CD1B: variants seen among roughly 807,000 people sequenced by gnomAD.
CD1B encodes T-cell surface glycoprotein CD1b.
A neutral mutation model predicts 39.8 loss-of-function variants in CD1B; 43 were observed. The observed-to-expected ratio is 1.08, with a 90% confidence interval of 0.85 to 1.39. The LOEUF (loss-of-function observed/expected upper bound fraction) is 1.39. Ranked by LOEUF, CD1B falls within the 40% of genes most tolerant of loss-of-function variation. CD1B has a pLI of 0.00. For synonymous variants in CD1B, 192 were observed against 152.5 expected (o/e 1.26, Z -1.91); for missense variants, 495 against 403.8 (o/e 1.23, Z -1.94).
chr1:158,306,027 T>A, the CD1B span, among the ~76,000 whole-genome samples: 1 of 152,168 alleles, frequency 6.6e-6, no homozygotes, highest in Non-Finnish European at 1.5e-5. Flanking sequence ...CATCAACTAA[T>A]GAGCAAAATA....
the CD1B span, among the ~76,000 whole-genome samples, chr1:158,303,752 A>T: frequency 2.0e-5 from 3 of 152,304 alleles, no homozygotes; most frequent in African/African-American, 7.2e-5. Flanking sequence ...ATTATAAAGC[A>T]CTGCTAAAAA....
At chr1:158,317,498 C>T in the CD1B span, among the ~76,000 whole-genome samples, 23 of 152,172 alleles carry the variant, frequency 1.5e-4, no homozygotes, top group Middle Eastern at 0.017. Flanking sequence ...TCCGTGGGAT[C>T]GGTGGTGATA....
the CD1B span, among the ~76,000 whole-genome samples, chr1:158,294,122 G>A: frequency 3.9e-5 from 6 of 152,300 alleles, no homozygotes; most frequent in African/African-American, 1.4e-4. Flanking sequence ...AATTACAAAT[G>A]CAAATAGACA....
chr1:158,330,470 G>T, intron 2 of CD1B: 1 of 557,484 alleles, frequency 1.8e-6, no homozygotes, highest in East Asian at 3.2e-5. Flanking sequence ...AGATGGATTA[G>T]GGGAGAAAGC....
the CD1B span, among the ~76,000 whole-genome samples, chr1:158,286,406 C>T: frequency 6.6e-6 from 1 of 152,172 alleles, no homozygotes; most frequent in African/African-American, 2.4e-5. Context: ...TCCACCCTTC[C>T]TTTTTAGGGA....
At chr1:158,296,560 G>T in the CD1B span, among the ~76,000 whole-genome samples, 2 of 152,164 alleles carry the variant, frequency 1.3e-5, no homozygotes, top group East Asian at 3.8e-4. Flanking sequence ...ACTTCCAAAT[G>T]AACACACTAG....
chr1:158,320,893 T>C, the CD1B span, among the ~76,000 whole-genome samples: 2 of 152,224 alleles, frequency 1.3e-5, no homozygotes, highest in Non-Finnish European at 2.9e-5. Context: ...TTTTTAATTT[T>C]TTAATATGTT....
At chr1:158,317,270 C>G in the CD1B span, among the ~76,000 whole-genome samples, 10 of 152,042 alleles carry the variant, frequency 6.6e-5, no homozygotes, top group East Asian at 1.2e-3. Flanking sequence ...TGGTAGAATT[C>G]GGCTGTGAAT....
chr1:158,304,816 C>T, the CD1B span, among the ~76,000 whole-genome samples: 2 of 152,322 alleles, frequency 1.3e-5, no homozygotes, highest in African/African-American at 4.8e-5. Context: ...TGCTGATACC[C>T]AGGAAAACAG....
At chr1:158,290,142 C>T in the CD1B span, 2 of 1,611,342 alleles carry the variant, frequency 1.2e-6, no homozygotes. Context: ...ACATCGCTGT[C>T]AGCTGCAAGG....
the CD1B span, chr1:158,290,177 C>T: frequency 3.9e-6 from 6 of 1,522,074 alleles, no homozygotes; most frequent in African/African-American, 5.5e-5. Flanking sequence ...GTAGAGTGTG[C>T]TGGGCTTTCC....
At chr1:158,324,574 G>A (rs1464361030), downstream of CD1B, among the ~76,000 whole-genome samples, 2 of 152,154 alleles carry the variant, frequency 1.3e-5, no homozygotes, top group African/African-American at 2.4e-5. Flanking sequence ...AGACTGATGA[G>A]TTAAACACAT....
the CD1B span, among the ~76,000 whole-genome samples, chr1:158,288,859 C>T: frequency 6.6e-6 from 1 of 152,226 alleles, no homozygotes; most frequent in South Asian, 2.1e-4. Context: ...TCACTGAATA[C>T]TTCATATAAA....
chr1:158,291,403 A>G, the CD1B span: 1 of 1,612,582 alleles, frequency 6.2e-7, no homozygotes, highest in East Asian at 2.2e-5. Context: ...CTCGAAATGT[A>G]AGTTCAATCA....
In CD1B at chr1:158,328,143, A is replaced by G; in HGVS notation, c.*93T>C. The G allele has an allele frequency of 1.1e-6, 1 of 950,636 alleles. No individual in the cohort carries two copies. Among genetic ancestry groups the G allele is most frequent in the Non-Finnish European group, 1.6e-6 (1 of 607,342 alleles). 58.9% of individuals were successfully genotyped at this position (950,636 alleles called of 1,614,324 possible). On this transcript the variant is annotated 3_prime_UTR_variant, in exon 6 of 6. Coordinates refer to ENST00000368168, the MANE Select transcript of CD1B (RefSeq NM_001764.3). ...AAAACTCTGATTTCATCAAATTTGAAAATCATTTGAAATATGATAAGATTG... is the reference window on the plus strand; with the variant it reads ...AAAACTCTGATTTCATCAAATTTGAGAATCATTTGAAATATGATAAGATTG...
Position 158,329,011 on chromosome 1 carries a change from T to C in CD1B, c.890A>G (p.Asn297Ser), listed in dbSNP as rs542028090. ...EGQDIILYWR[N>S]PTSIGSIVLA... Reference sequence around the variant, plus strand: ...AACAATTGAGCCAATGGAGGTGGGGTTTCCTGGCAATTGAGAGAGGACAAA... The same window carrying C: ...AACAATTGAGCCAATGGAGGTGGGGCTTCCTGGCAATTGAGAGAGGACAAA... The change falls in exon 5 of 6, where the codon AAC becomes AGC. Residue 297 changes from asparagine to serine, a missense_variant. Transcript: ENST00000368168. 1.2e-6 allele frequency: 2 copies of C among 1,611,882 alleles called. No homozygotes were observed. Among genetic ancestry groups the C allele is most frequent in the Admixed American group, 1.7e-5 (1 of 59,650 alleles).
chr1:158,328,064 GT>G lies in CD1B; in HGVS notation c.*171del. On this transcript the variant is annotated 3_prime_UTR_variant, in exon 6 of 6. Coordinates refer to ENST00000368168, the MANE Select transcript of CD1B (RefSeq NM_001764.3). Reference sequence around the variant, plus strand: ...AGTACAGTCTCATAATAAATTTACAGTTTTAAGTACTTTTTTGCTGATGTTT... The same window carrying G: ...AGTACAGTCTCATAATAAATTTACAGTTTAAGTACTTTTTTGCTGATGTTT... The G allele has an allele frequency of 1.7e-6, 1 of 588,996 alleles. No homozygotes were observed. The highest frequency in any genetic ancestry group is 3.0e-6 in the Non-Finnish European group (1 of 331,828). The allele number at this position is 588,996 out of a possible 1,614,324, so 36.5% of individuals were successfully genotyped here. A position where few individuals can be genotyped will look rare whatever the true frequency, so the allele number is the denominator to read the frequency against.
At chr1:158,287,672 A>C in the CD1B span, among the ~76,000 whole-genome samples, 1 of 152,228 alleles carries the variant, frequency 6.6e-6, no homozygotes, top group Non-Finnish European at 1.5e-5. Context: ...GTTATTTTCA[A>C]CTTGTTTGCT....
chr1:158,310,571 AC>A, the CD1B span, among the ~76,000 whole-genome samples: 11 of 152,214 alleles, frequency 7.2e-5, no homozygotes, highest in Admixed American at 6.5e-4. Flanking sequence ...TATGTGTATG[AC>A]AAAGATCTAA....
Sources: gnomAD v4.1 joint callset for allele counts (sites outside exome capture counted in the v4.1 genomes callset) on GRCh38, gnomAD v4.1.1 for gene constraint, MANE v1.5 for transcripts, NCBI Gene and HGNC (gene_info 2026-07-23, HGNC 2026-07-21) for gene names.